Variants in RASGRF1 observed in about 807,000 individuals in gnomAD.
RASGRF1 encodes Ras protein specific guanine nucleotide releasing factor 1.
RASGRF1 carries 40 observed loss-of-function variants against 138.7 expected under a neutral mutation model. The observed-to-expected ratio is 0.29, with a 90% confidence interval of 0.22 to 0.38. The LOEUF (loss-of-function observed/expected upper bound fraction) is 0.38, where lower values mean the gene tolerates loss of function less well. RASGRF1 is among the 10% of genes least tolerant of loss of function. The probability of loss-of-function intolerance (pLI) is 1.00; values close to 1 mark genes in which losing one functional copy is unlikely to be tolerated. For synonymous variants in RASGRF1, 614 were observed against 663.2 expected, an observed-to-expected ratio of 0.93 and a Z score of 1.14; for missense variants, 1,108 against 1,650.4, an observed-to-expected ratio of 0.67 and a Z score of 5.69.
At chr15:79,024,443 C>T (rs1175700123) in intron 10 of RASGRF1, among the ~76,000 whole-genome samples, 3 of 152,144 alleles carry the variant, frequency 2.0e-5, no homozygotes, top group South Asian at 2.1e-4. Flanking sequence ...ACACCACACA[C>T]ACAGACACAA....
intron 1 of RASGRF1, among the ~76,000 whole-genome samples, chr15:79,069,012 G>C (rs893686047): frequency 6.6e-6 from 1 of 152,094 alleles, no homozygotes; most frequent in Non-Finnish European, 1.5e-5. Context: ...GGGGTGGGGG[G>C]TGTCTGCACT....
intron 14 of RASGRF1, among the ~76,000 whole-genome samples, chr15:79,004,409 C>G (rs1567499482): frequency 6.6e-6 from 1 of 152,122 alleles, no homozygotes; most frequent in African/African-American, 2.4e-5. Context: ...TTCTATGCTC[C>G]GCCCCCCCAC....
intron 1 of RASGRF1, among the ~76,000 whole-genome samples, chr15:79,072,267 C>CTTGTTTTTTTTTTTTT (rs2057768032): frequency 1.6e-5 from 1 of 61,576 alleles, no homozygotes; most frequent in Non-Finnish European, 3.0e-5. Flanking sequence ...GATAAACAAT[C>CTTGTTTTTTTTTTTTT]TTTTTTTTTT....
chr15:79,078,228 C>T (rs988727081), intron 1 of RASGRF1, among the ~76,000 whole-genome samples: 1 of 151,924 alleles, frequency 6.6e-6, no homozygotes, highest in African/African-American at 2.4e-5. Context: ...TATATGGGGA[C>T]ACCCATATAG....
chr15:79,004,246 C>T (rs902793879), intron 14 of RASGRF1, 71 bp from the exon 15 acceptor site: 1 of 1,491,730 alleles, frequency 6.7e-7, no homozygotes, highest in Non-Finnish European at 8.9e-7. Flanking sequence ...TGGGGGCCGT[C>T]TCCGGTGGGG....
At chr15:78,964,059 C>G (rs1021104577) in intron 26 of RASGRF1, among the ~76,000 whole-genome samples, 2 of 151,536 alleles carry the variant, frequency 1.3e-5, no homozygotes, top group Admixed American at 6.6e-5. Flanking sequence ...CTTGACCTGA[C>G]TTGGCTAAGT....
rs755301768 is a variant in RASGRF1 at position 79,027,271 on chromosome 15, C to T, written c.1381+470G>A. 3.0e-4 allele frequency among the ~76,000 whole-genome samples: 45 copies of T among 152,282 alleles called. No individual in the cohort carries two copies. Among genetic ancestry groups the T allele is most frequent in the Middle Eastern group, 3.4e-3 (1 of 294 alleles). ...TGAAGCTTGGGAAAGACCTTCTACC[C>T]ATGAGAACCACTGTGAAAATGGTCT... On this transcript the variant is annotated intron_variant, in intron 9 of 26. Coordinates refer to ENST00000558480, the MANE Select transcript of RASGRF1 (RefSeq NM_001145648.3). The surrounding 1 kb of genome is among the most constrained non-coding windows in gnomAD (Gnocchi z 4.8).
Position 78,965,711 on chromosome 15 carries a change from C to G in RASGRF1, c.3682-3475G>C, listed in dbSNP as rs551037516. On this transcript the variant is annotated intron_variant, in intron 26 of 26. Coordinates refer to ENST00000558480, the MANE Select transcript of RASGRF1 (RefSeq NM_001145648.3). ...ACTAAAAATACAAAAATTAGTCGGG[C>G]GTGGTGGCAGGCACCTGTAATCACA... Among the ~76,000 whole-genome samples the G allele has an allele frequency of 2.6e-5, 4 of 152,118 alleles. No individual in the cohort carries two copies. The East Asian group carries it at 7.7e-4, about 29-fold the overall frequency.
chr15:79,010,875 AGAGC>A (rs1234439960), intron 13 of RASGRF1, among the ~76,000 whole-genome samples: 45 of 152,158 alleles, frequency 3.0e-4, no homozygotes, highest in Non-Finnish European at 5.3e-4. Context: ...ATCCATCCAC[AGAGC>A]TGCTGCGGGA....
At chr15:79,086,197 G>A (rs368129930) in intron 1 of RASGRF1, among the ~76,000 whole-genome samples, 82 of 152,172 alleles carry the variant, frequency 5.4e-4, no homozygotes, top group African/African-American at 1.6e-3. Flanking sequence ...GTATACCAGC[G>A]TCCCAGGGTT....
intron 2 of RASGRF1, among the ~76,000 whole-genome samples, 161 bp downstream of exon 2, chr15:79,064,259 G>A (rs775460895): frequency 6.6e-5 from 10 of 152,136 alleles, no homozygotes; most frequent in East Asian, 1.9e-4. Flanking sequence ...CATCCCAGAG[G>A]TGCAGGATGT....
intron 1 of RASGRF1, among the ~76,000 whole-genome samples, chr15:79,066,889 C>A (rs941159605): frequency 3.3e-5 from 5 of 152,134 alleles, no homozygotes; most frequent in African/African-American, 1.2e-4. Flanking sequence ...CGCAGGCTAC[C>A]CAGAGGCTTT....
Position 79,006,519 on chromosome 15 carries a change from C to T in RASGRF1, c.1827-85G>A, listed in dbSNP as rs150915381. On this transcript the variant is annotated intron_variant, in intron 13 of 26. Coordinates refer to ENST00000558480, the MANE Select transcript of RASGRF1 (RefSeq NM_001145648.3). The surrounding 1 kb of genome is among the most constrained non-coding windows in gnomAD (Gnocchi z 4.0). The stretch of plus-strand genomic sequence containing the variant: ...ACCAGGCCTGCTCATCACTGCTTCC[C>T]CCACACACTGACAACACAGGATGGT... 3.4e-6 allele frequency: 5 copies of T among 1,470,294 alleles called. No individual in the cohort carries two copies. The African/African-American group carries it at 6.9e-5, about 20-fold the overall frequency. 91.1% of individuals were successfully genotyped at this position (1,470,294 alleles called of 1,614,324 possible).
intron 13 of RASGRF1, 127 bp downstream of exon 13, chr15:79,015,200 A>G (rs75186388): frequency 1.2e-6 from 1 of 814,142 alleles, no homozygotes; most frequent in South Asian, 1.9e-5. Context: ...CATCCAAAAC[A>G]CCCCCAAAGA....
intron 20 of RASGRF1, among the ~76,000 whole-genome samples, chr15:78,993,431 G>A (rs1423502078): frequency 1.3e-5 from 2 of 151,888 alleles, no homozygotes; most frequent in Admixed American, 6.6e-5. Flanking sequence ...AGTTTTTCCT[G>A]GCAGAGCTGC....
rs147611481 is a variant in RASGRF1 at position 79,072,567 on chromosome 15, G to A, written c.277-8041C>T. ...TGGGACTACAGGCGTGAGCCACCGC[G>A]CCCGGCCAATAAATAATCTTAATAT... is the stretch of plus-strand genomic sequence containing the variant. On this transcript the variant is annotated intron_variant, in intron 1 of 26. Coordinates refer to ENST00000558480, the MANE Select transcript of RASGRF1 (RefSeq NM_001145648.3). Among the ~76,000 whole-genome samples the A allele has an allele frequency of 1.7e-3, 266 of 152,152 alleles. 1 individual carries two copies. The highest frequency in any genetic ancestry group is 5.9e-3 in the African/African-American group (246 of 41,524).
At chr15:79,025,274 T>C (rs1392050202) in intron 10 of RASGRF1, 40 bp downstream of exon 10, 1 of 1,549,226 alleles carries the variant, frequency 6.5e-7, no homozygotes, top group Non-Finnish European at 8.7e-7. Context: ...TGCATGACCC[T>C]AGCTGGGCAG....
chr15:78,999,336 G>T (rs561266600), intron 17 of RASGRF1, among the ~76,000 whole-genome samples: 5 of 152,260 alleles, frequency 3.3e-5, no homozygotes, highest in African/African-American at 1.2e-4. Flanking sequence ...GAAGTTTGGG[G>T]GAAGGATGGA....
At chr15:78,982,083 G>C (rs543835601) in intron 23 of RASGRF1, among the ~76,000 whole-genome samples, 1 of 152,298 alleles carries the variant, frequency 6.6e-6, no homozygotes, top group African/African-American at 2.4e-5. Context: ...ATGCCGACTG[G>C]CAAATCACCA....
Sources: allele counts gnomAD v4.1 joint callset (sites outside exome capture counted in the v4.1 genomes callset), GRCh38; gene constraint gnomAD v4.1.1; non-coding constraint Gnocchi (gnomAD v3.1); transcripts MANE v1.5; gene names NCBI Gene and HGNC (gene_info 2026-07-23, HGNC 2026-07-21).